Variants in NCAPH observed in about 807,000 individuals in gnomAD.
NCAPH encodes condensin complex subunit 2.
NCAPH carries 38 observed loss-of-function variants against 85.5 expected under a neutral mutation model. The ratio of observed to expected loss-of-function variants is 0.44; its 90% CI spans 0.34 to 0.58. NCAPH has a LOEUF of 0.58. Ranked by LOEUF, NCAPH falls within the 20% of genes least tolerant of loss-of-function variation. The pLI is 0.01. For synonymous variants in NCAPH, 301 were observed against 335.1 expected, an observed-to-expected ratio of 0.90 and a Z score of 1.11; for missense variants, 789 against 916.6, an observed-to-expected ratio of 0.86 and a Z score of 1.80.
At chr2:96,357,786 C>T (rs1398226580) in intron 9 of NCAPH, among the ~76,000 whole-genome samples, 3 of 151,876 alleles carry the variant, frequency 2.0e-5, no homozygotes, top group African/African-American at 7.3e-5. Context: ...AGACAAAATC[C>T]CCTTTTAAAA....
intron 12 of NCAPH, among the ~76,000 whole-genome samples, chr2:96,363,658 C>G (rs1422248159): frequency 6.6e-6 from 1 of 152,110 alleles, no homozygotes; most frequent in African/African-American, 2.4e-5. Flanking sequence ...AGACTGTGAT[C>G]CATAGGCACT....
At chr2:96,368,176 A>G (rs916352112) in intron 15 of NCAPH, among the ~76,000 whole-genome samples, 14 of 152,224 alleles carry the variant, frequency 9.2e-5, no homozygotes, top group African/African-American at 2.7e-4. Context: ...ATGAAAACTC[A>G]TAAGTTGATT....
chr2:96,344,049 T>C (rs1254587357), intron 5 of NCAPH, 56 bp from the exon 6 acceptor site: 4 of 1,568,160 alleles, frequency 2.6e-6, no homozygotes, highest in East Asian at 2.3e-5. Flanking sequence ...AGTTAGTAAG[T>C]TCATCACATG....
intron 14 of NCAPH, among the ~76,000 whole-genome samples, chr2:96,366,447 C>G (rs1040958616): frequency 1.3e-5 from 2 of 152,196 alleles, no homozygotes; most frequent in Non-Finnish European, 2.9e-5. Flanking sequence ...TCTTCCATAC[C>G]AGGTGGCAGG....
chr2:96,367,211 G>T (rs757366909), intron 14 of NCAPH, 46 bp from the exon 15 acceptor site: 2 of 1,375,420 alleles, frequency 1.5e-6, no homozygotes, highest in Admixed American at 3.6e-5. Context: ...TATGGTAAAA[G>T]TTTCTTTATT....
At position 96,368,987 on chromosome 2, in the gene NCAPH, G is replaced by T. The variant is rs763298234; in HGVS notation, c.2014G>T (p.Ala672Ser). The T allele has an allele frequency of 1.5e-5, 24 of 1,554,504 alleles. No homozygotes were observed. The South Asian group carries it at 2.6e-4, about 17-fold the overall frequency. ...EADAEANHRE[A>S]GKEAALAEVA... ...CTTCTGTTAGGCAAACCACAGGGAA[G>T]CTGGAAAAGAAGCGGCCCTGGCAGA... The change falls in exon 16 of 18, where the codon GCT becomes TCT. Residue 672 changes from alanine to serine, a missense_variant. Ala to Ser is a moderately conservative substitution (Grantham distance 99, BLOSUM62 1). Transcript: ENST00000240423.
At chr2:96,341,269 C>T (rs11900808) in intron 1 of NCAPH, 3,380 of 186,834 alleles carry the variant, frequency 0.018, 54 homozygotes, top group African/African-American at 0.027. Context: ...ATACCTCACC[C>T]TTGTCTCAGC....
At chr2:96,346,200 GTC>G (rs1426529396) in intron 6 of NCAPH, among the ~76,000 whole-genome samples, 1 of 152,032 alleles carries the variant, frequency 6.6e-6, no homozygotes, top group Admixed American at 6.6e-5. Context: ...TCTGGATACT[GTC>G]TTAAAACAGG....
At chr2:96,362,661 A>C (rs1017473050) in intron 12 of NCAPH, among the ~76,000 whole-genome samples, 9 of 152,190 alleles carry the variant, frequency 5.9e-5, no homozygotes, top group African/African-American at 2.2e-4. Flanking sequence ...AAGTCATTGC[A>C]GATGTGGTAT....
Position 96,371,429 on chromosome 2 carries a change from C to T in NCAPH, c.2167-1863C>T, listed in dbSNP as rs537869243. On this transcript the variant is annotated intron_variant, in intron 17 of 17. Transcript: ENST00000240423. ...TCCACAGAAACCTGACTTGAGAGAG[C>T]GGCTTCATGGCCCTCACTTGTTTCT... Among the ~76,000 whole-genome samples, 14 of 152,308 alleles carry T rather than the reference C, an allele frequency of 9.2e-5. No homozygotes were observed. In the South Asian group the frequency reaches 2.7e-3, roughly 29 times the overall value.
At chr2:96,354,597 T>A (rs947529406) in intron 9 of NCAPH, among the ~76,000 whole-genome samples, 4 of 152,094 alleles carry the variant, frequency 2.6e-5, no homozygotes, top group Non-Finnish European at 4.4e-5. Context: ...GGTGCCAGGA[T>A]TTCAGGTGTG....
rs1197979251 is a variant in NCAPH, at chr2:96,376,480, G to A, written c.*3129G>A. Among the ~76,000 whole-genome samples the A allele has an allele frequency of 6.6e-6, 1 of 152,180 alleles. No homozygotes were observed. The highest frequency in any genetic ancestry group is 1.5e-5 in the Non-Finnish European group (1 of 68,036). On this transcript the variant is annotated 3_prime_UTR_variant, in exon 18 of 18. Coordinates refer to ENST00000240423, the MANE Select transcript of NCAPH (RefSeq NM_015341.5). ...ATGGTACAGCTAGGTGCACTTCCCT[G>A]GCCAGACCACCCTACAGTGTATGAT...
intron 14 of NCAPH, 53 bp downstream of exon 14, chr2:96,366,111 G>T: frequency 1.3e-6 from 2 of 1,575,098 alleles, no homozygotes; most frequent in Non-Finnish European, 1.7e-6. Context: ...CTATTTAATT[G>T]TCTCTTATAT....
At chr2:96,361,839 T>C (rs1454458034) in intron 12 of NCAPH, among the ~76,000 whole-genome samples, 2 of 144,890 alleles carry the variant, frequency 1.4e-5, no homozygotes, top group African/African-American at 5.0e-5. Flanking sequence ...TTTTTTTTTT[T>C]TTTTCCCTGA....
At chr2:96,365,684 A>G (rs989804507) in intron 13 of NCAPH, among the ~76,000 whole-genome samples, 192 bp from the exon 14 acceptor site, 1 of 152,248 alleles carries the variant, frequency 6.6e-6, no homozygotes, top group African/African-American at 2.4e-5. Flanking sequence ...GGTTGATAAC[A>G]GACACCTCTC....
Position 96,338,110 on chromosome 2 carries a change from A to G in NCAPH, c.19+2262A>G, listed in dbSNP as rs1193211270. On this transcript the variant is annotated intron_variant, in intron 1 of 17. Coordinates refer to ENST00000240423, the MANE Select transcript of NCAPH (RefSeq NM_015341.5). Reference sequence around the variant, plus strand: ...CCTTGCTAATTTTTGTATTTTTAGTAGAGACGGGATTTTGCCTTGTTGGCC... The same window carrying G: ...CCTTGCTAATTTTTGTATTTTTAGTGGAGACGGGATTTTGCCTTGTTGGCC... 2.6e-5 allele frequency among the ~76,000 whole-genome samples: 4 copies of G among 152,084 alleles called. No individual in the cohort carries two copies. The East Asian group carries it at 7.7e-4, about 29-fold the overall frequency.
At chr2:96,335,993 G>GCCC in intron 1 of NCAPH, 145 bp downstream of exon 1, 1 of 812,128 alleles carries the variant, frequency 1.2e-6, no homozygotes. Flanking sequence ...GCAGAGGCCG[G>GCCC]TGCGGGGGGA....
At chr2:96,338,242 A>AG in intron 1 of NCAPH, among the ~76,000 whole-genome samples, 2 of 2,060 alleles carry the variant, frequency 9.7e-4, no homozygotes, top group East Asian at 0.05. Flanking sequence ...TATTTTATTG[A>AG]AAAAAAAAAA....
chr2:96,376,003 T>A lies in NCAPH; in HGVS notation c.*2652T>A, dbSNP rs985875514. Among the ~76,000 whole-genome samples the A allele has an allele frequency of 1.3e-5, 2 of 152,168 alleles. No individual in the cohort carries two copies. Among genetic ancestry groups the A allele is most frequent in the African/African-American group, 4.8e-5 (2 of 41,428 alleles). ...GACTTTTCAGCCTCCATAACTGTAATAAATTCCTTTGTCAGTTACCCAGTT... is the reference window on the plus strand; with the variant it reads ...GACTTTTCAGCCTCCATAACTGTAAAAAATTCCTTTGTCAGTTACCCAGTT... On this transcript the variant is annotated 3_prime_UTR_variant, in exon 18 of 18. Transcript: ENST00000240423.
Sources: allele counts gnomAD v4.1 joint callset (sites outside exome capture counted in the v4.1 genomes callset), GRCh38; gene constraint gnomAD v4.1.1; transcripts MANE v1.5; gene names NCBI Gene and HGNC (gene_info 2026-07-23, HGNC 2026-07-21).